C8orf88: variants seen among roughly 807,000 people sequenced by gnomAD.
C8orf88 encodes chromosome 8 open reading frame 88.
In C8orf88, 14 loss-of-function variants were observed where a neutral mutation model predicts 18.4. The ratio of observed to expected loss-of-function variants is 0.76; its 90% CI spans 0.50 to 1.19. The LOEUF (loss-of-function observed/expected upper bound fraction) is 1.19. C8orf88 is among the 50% of genes most tolerant of loss of function. The pLI is 0.00. For missense variants in C8orf88, 116 were observed against 134.7 expected, an observed-to-expected ratio of 0.86 and a Z score of 0.69; for synonymous variants, 45 against 42.9, an observed-to-expected ratio of 1.05 and a Z score of -0.19.
intron 4 of C8orf88, among the ~76,000 whole-genome samples, chr8:90,963,542 T>A (rs1021314994): frequency 6.6e-6 from 1 of 151,740 alleles, no homozygotes; most frequent in Non-Finnish European, 1.5e-5. Flanking sequence ...AATATACTAT[T>A]TTAAATATGC....
At chr8:90,977,033 A>T (rs1811360881) in intron 3 of C8orf88, among the ~76,000 whole-genome samples, 1 of 152,160 alleles carries the variant, frequency 6.6e-6, no homozygotes, top group Non-Finnish European at 1.5e-5. Flanking sequence ...AAATATTTTT[A>T]TGCACATAAG....
chr8:90,968,311 C>G (rs80330742), intron 4 of C8orf88, among the ~76,000 whole-genome samples: 3,534 of 151,634 alleles, frequency 0.023, 63 homozygotes, highest in Non-Finnish European at 0.033. Flanking sequence ...ACAAAGGTGC[C>G]AAGTCCATTC....
chr8:90,960,625 ATTAC>A (rs1381176066), intron 5 of C8orf88, 113 bp downstream of exon 5: 2 of 513,382 alleles, frequency 3.9e-6, no homozygotes, highest in Admixed American at 3.5e-5. Flanking sequence ...AGTTTTCTGA[ATTAC>A]TTATATCTTA....
At chr8:90,974,109 A>C (rs1811316534) in intron 3 of C8orf88, among the ~76,000 whole-genome samples, 1 of 152,148 alleles carries the variant, frequency 6.6e-6, no homozygotes, top group Non-Finnish European at 1.5e-5. Flanking sequence ...AATGACTCTG[A>C]AACAGATCAA....
At chr8:90,967,086 A>G (rs1811210881) in intron 4 of C8orf88, among the ~76,000 whole-genome samples, 1 of 151,864 alleles carries the variant, frequency 6.6e-6, no homozygotes, top group Non-Finnish European at 1.5e-5. Context: ...TCAACATAAC[A>G]TTGAAAAAAG....
intron 4 of C8orf88, among the ~76,000 whole-genome samples, chr8:90,966,776 A>C (rs1211758318): frequency 1.3e-5 from 2 of 151,826 alleles, no homozygotes; most frequent in African/African-American, 4.8e-5. Flanking sequence ...TCAACTTACA[A>C]TGGAGTTATA....
intron 5 of C8orf88, 26 bp downstream of exon 5, chr8:90,960,716 C>A: frequency 7.7e-7 from 1 of 1,305,504 alleles, no homozygotes; most frequent in African/African-American, 1.5e-5. Context: ...TATAATATTA[C>A]AATACAAACT....
At chr8:90,983,136 A>G (rs539934861) in intron 1 of C8orf88, among the ~76,000 whole-genome samples, 1 of 152,280 alleles carries the variant, frequency 6.6e-6, no homozygotes, top group South Asian at 2.1e-4. Flanking sequence ...GATTCAAAGC[A>G]CAGTTACAAA....
intron 5 of C8orf88, among the ~76,000 whole-genome samples, chr8:90,960,353 G>T (rs1811107695): frequency 6.6e-6 from 1 of 151,388 alleles, no homozygotes; most frequent in Non-Finnish European, 1.5e-5. Context: ...TGTCAGAGAA[G>T]TACCCTTTCA....
intron 1 of C8orf88, among the ~76,000 whole-genome samples, chr8:90,982,011 G>A (rs1483694594): frequency 6.6e-6 from 1 of 152,088 alleles, no homozygotes; most frequent in Non-Finnish European, 1.5e-5. Flanking sequence ...CTTTGGACAT[G>A]TATAATTCAA....
chr8:90,959,419 T>C (rs1811092760), intron 5 of C8orf88: 1 of 153,704 alleles, frequency 6.5e-6, no homozygotes, highest in African/African-American at 2.4e-5. Context: ...AAAAAGTGAC[T>C]ATAGTTTATA....
intron 3 of C8orf88, among the ~76,000 whole-genome samples, chr8:90,977,323 A>T (rs1811365552): frequency 6.6e-6 from 1 of 152,248 alleles, no homozygotes; most frequent in Admixed American, 6.5e-5. Flanking sequence ...TGTTCATACA[A>T]ATCGCTTTGA....
At chr8:90,974,271 G>A (rs1811318837) in intron 3 of C8orf88, among the ~76,000 whole-genome samples, 1 of 152,114 alleles carries the variant, frequency 6.6e-6, no homozygotes, top group South Asian at 2.1e-4. Flanking sequence ...TTAAGAGACT[G>A]GCAACTTCTA....
At chr8:90,970,032 G>A (rs1811261126) in intron 4 of C8orf88, among the ~76,000 whole-genome samples, 1 of 151,884 alleles carries the variant, frequency 6.6e-6, no homozygotes, top group South Asian at 2.1e-4. Flanking sequence ...GAGCATTTTA[G>A]TAAAAGAGTT....
At chr8:90,972,758 C>T (rs1214279361) in intron 3 of C8orf88, among the ~76,000 whole-genome samples, 3 of 151,988 alleles carry the variant, frequency 2.0e-5, no homozygotes, top group Non-Finnish European at 4.4e-5. Context: ...AGATAAGAAA[C>T]AGCTGAGCTA....
At chr8:90,968,880 C>T (rs1811243921) in intron 4 of C8orf88, among the ~76,000 whole-genome samples, 2 of 150,748 alleles carry the variant, frequency 1.3e-5, no homozygotes, top group South Asian at 4.2e-4. Context: ...CACGAAAAAA[C>T]AGTATCATAA....
At chr8:90,964,001 A>G (rs1189099164) in intron 4 of C8orf88, among the ~76,000 whole-genome samples, 1 of 151,632 alleles carries the variant, frequency 6.6e-6, no homozygotes, top group African/African-American at 2.4e-5. Flanking sequence ...ACAACCCCCA[A>G]CTTATGATGG....
At position 90,971,157 on chromosome 8, in the gene C8orf88, A is replaced by T; in HGVS notation, c.148-16T>A. 7.0e-7 allele frequency: 1 copy of T among 1,420,666 alleles called. No individual in the cohort carries two copies. Among genetic ancestry groups the T allele is most frequent in the Non-Finnish European group, 9.2e-7 (1 of 1,081,356 alleles). The allele number at this position is 1,420,666 out of a possible 1,614,324, so 88.0% of individuals were successfully genotyped here. A position where few individuals can be genotyped will look rare whatever the true frequency, so the allele number is the denominator to read the frequency against. On this transcript the variant is annotated splice_polypyrimidine_tract_variant and intron_variant, in intron 3 of 5. Transcript: ENST00000517562. ...TCGTCTTACACTGTTAAACATGAAG[A>T]AAATAAACTTTTTAACTCAGGTTTT... is the stretch of plus-strand genomic sequence containing the variant.
chr8:90,964,293 A>G (rs781551845), intron 4 of C8orf88, among the ~76,000 whole-genome samples: 17 of 151,732 alleles, frequency 1.1e-4, no homozygotes, highest in Non-Finnish European at 2.4e-4. Context: ...TTCATCACTT[A>G]CAAGAGATTA....
Sources: gnomAD v4.1 joint callset for allele counts (sites outside exome capture counted in the v4.1 genomes callset) on GRCh38, gnomAD v4.1.1 for gene constraint, MANE v1.5 for transcripts, NCBI Gene and HGNC (gene_info 2026-07-23, HGNC 2026-07-21) for gene names.